The following TMEM132D variants were observed in gnomAD, a reference collection of about 807,000 sequenced individuals.
TMEM132D encodes transmembrane protein 132D, also known as mature OL transmembrane protein.
In TMEM132D, 21 loss-of-function variants were observed where a neutral mutation model predicts 62.3. The ratio of observed to expected loss-of-function variants is 0.34; its 90% CI spans 0.24 to 0.49. The LOEUF is 0.49. Among genes scored for constraint, TMEM132D ranks in the 20% least tolerant of loss-of-function variants. TMEM132D has a pLI of 0.99. For synonymous variants in TMEM132D, 621 were observed against 575.6 expected (o/e 1.08, Z -1.13); for missense variants, 1,346 against 1,402.8 (o/e 0.96, Z 0.65).
At chr12:129,159,654 G>C (rs1049084817) in intron 5 of TMEM132D, among the ~76,000 whole-genome samples, 2 of 151,484 alleles carry the variant, frequency 1.3e-5, no homozygotes, top group African/African-American at 4.9e-5. Flanking sequence ...CCAGCTACTT[G>C]GGTGGCTAAG....
At position 129,675,917 on chromosome 12, in the gene TMEM132D, C is replaced by T. The variant is rs539312956; in HGVS notation, c.968+23893G>A. Among the ~76,000 whole-genome samples the T allele has an allele frequency of 4.6e-5, 7 of 152,342 alleles. No individual in the cohort carries two copies. The South Asian group carries it at 1.4e-3, about 32-fold the overall frequency. ...CATGACCATGAGTGAAAAACAGTGACATTTTCACATCAGCAAACTCGGGCT... is the reference window on the plus strand; with the variant it reads ...CATGACCATGAGTGAAAAACAGTGATATTTTCACATCAGCAAACTCGGGCT... On this transcript the variant is annotated intron_variant, in intron 2 of 8. Transcript: ENST00000422113.
At chr12:129,255,584 C>T (rs1880378642) in intron 4 of TMEM132D, among the ~76,000 whole-genome samples, 1 of 152,166 alleles carries the variant, frequency 6.6e-6, no homozygotes, top group South Asian at 2.1e-4. Context: ...CTACATGGGA[C>T]ATTTTGCATG....
chr12:129,633,009 T>A (rs1040455920), intron 2 of TMEM132D, among the ~76,000 whole-genome samples: 1 of 152,222 alleles, frequency 6.6e-6, no homozygotes, highest in Non-Finnish European at 1.5e-5. Flanking sequence ...AAATCCCACA[T>A]AGGGGTAAGT....
chr12:129,593,203 T>C (rs1878242833), intron 2 of TMEM132D, among the ~76,000 whole-genome samples: 1 of 152,242 alleles, frequency 6.6e-6, no homozygotes, highest in Admixed American at 6.5e-5. Context: ...CCTTCTGACT[T>C]TCAAGCTTAG....
At chr12:129,412,300 C>T (rs1323513488) in intron 3 of TMEM132D, among the ~76,000 whole-genome samples, 2 of 152,170 alleles carry the variant, frequency 1.3e-5, no homozygotes, top group South Asian at 2.1e-4. Context: ...TAGAAGGCAT[C>T]GCTAGCTGTC....
At chr12:129,433,520 A>T (rs1445754200) in intron 3 of TMEM132D, among the ~76,000 whole-genome samples, 1 of 152,198 alleles carries the variant, frequency 6.6e-6, no homozygotes, top group African/African-American at 2.4e-5. Flanking sequence ...AGAGCTTGAC[A>T]CATGGGCAAA....
chr12:129,226,281 C>T (rs891077940), intron 4 of TMEM132D, among the ~76,000 whole-genome samples: 3 of 152,228 alleles, frequency 2.0e-5, no homozygotes, highest in Non-Finnish European at 4.4e-5. Context: ...TTTGGTTTCT[C>T]TCTGGAGGAA....
intron 4 of TMEM132D, among the ~76,000 whole-genome samples, chr12:129,336,687 G>A (rs1410016899): frequency 6.6e-6 from 1 of 152,182 alleles, no homozygotes; most frequent in Non-Finnish European, 1.5e-5. Context: ...CTGAGGACTC[G>A]TATAGGCCAT....
At chr12:129,441,461 C>T (rs4759938) in intron 3 of TMEM132D, among the ~76,000 whole-genome samples, 145,283 of 152,250 alleles carry the variant, frequency 0.95, 69,557 homozygotes, top group Middle Eastern at 1. Context: ...AAACTAGAGA[C>T]GCCTGCGAGG....
At chr12:129,529,374 A>T (rs1474156499) in intron 3 of TMEM132D, among the ~76,000 whole-genome samples, 2 of 152,252 alleles carry the variant, frequency 1.3e-5, no homozygotes, top group Non-Finnish European at 2.9e-5. Context: ...GAATGTGCTG[A>T]GATTCTGGAA....
chr12:129,637,552 C>T (rs1156717501), intron 2 of TMEM132D, among the ~76,000 whole-genome samples: 3 of 152,178 alleles, frequency 2.0e-5, no homozygotes, highest in African/African-American at 4.8e-5. Flanking sequence ...CACCCCCTTC[C>T]TCCTGGTCTG....
intron 5 of TMEM132D, among the ~76,000 whole-genome samples, chr12:129,200,177 G>A (rs1029747694): frequency 6.6e-6 from 1 of 152,004 alleles, no homozygotes; most frequent in African/African-American, 2.4e-5. Flanking sequence ...TCCCGCAGGT[G>A]GTCACTCCCA....
intron 4 of TMEM132D, among the ~76,000 whole-genome samples, chr12:129,287,427 T>A (rs191082817): frequency 1.3e-5 from 2 of 152,344 alleles, no homozygotes; most frequent in East Asian, 1.9e-4. Flanking sequence ...CAATAGATGC[T>A]AAAATTTGTG....
At chr12:129,246,760 T>C (rs2135587857) in intron 4 of TMEM132D, among the ~76,000 whole-genome samples, 2 of 80,490 alleles carry the variant, frequency 2.5e-5, no homozygotes, top group Middle Eastern at 0.012. Context: ...AGCAAGACTC[T>C]ATCTCAAAAA....
intron 5 of TMEM132D, among the ~76,000 whole-genome samples, chr12:129,147,946 TG>T (rs1441471574): frequency 6.6e-6 from 1 of 152,194 alleles, no homozygotes; most frequent in Admixed American, 6.5e-5. Flanking sequence ...GGACATTCCA[TG>T]TCCAGTACTT....
intron 1 of TMEM132D, among the ~76,000 whole-genome samples, chr12:129,790,883 T>C (rs751676672): frequency 2.6e-5 from 4 of 152,216 alleles, no homozygotes; most frequent in Non-Finnish European, 5.9e-5. Context: ...GTTTAATAGA[T>C]GTTCTTTAAA....
intron 1 of TMEM132D, chr12:129,853,582 T>C (rs1873614287): frequency 1.3e-5 from 2 of 152,210 alleles, no homozygotes; most frequent in African/African-American, 4.8e-5. Context: ...GAGTCTTAAC[T>C]GGAACCGATG....
In TMEM132D at chr12:129,825,204, G is replaced by T. The variant is rs540538684; in HGVS notation, c.79+78057C>A. 2.1e-4 allele frequency among the ~76,000 whole-genome samples: 32 copies of T among 151,222 alleles called. No individual in the cohort carries two copies. The Middle Eastern group carries it at 0.014, about 65-fold the overall frequency. On this transcript the variant is annotated intron_variant, in intron 1 of 8. Coordinates refer to ENST00000422113, the MANE Select transcript of TMEM132D (RefSeq NM_133448.3). ...TTGTATTTTTTTTTTTTTTAGTAGAGATGGGGTTTTGCCATGTTGGCCAGG... is the reference window on the plus strand; with the variant it reads ...TTGTATTTTTTTTTTTTTTAGTAGATATGGGGTTTTGCCATGTTGGCCAGG...
intron 1 of TMEM132D, among the ~76,000 whole-genome samples, chr12:129,742,851 C>T (rs1410809939): frequency 2.0e-5 from 3 of 152,228 alleles, no homozygotes; most frequent in Non-Finnish European, 4.4e-5. Flanking sequence ...GTCTTTGAAG[C>T]ACTGGAATGC....
Sources: gnomAD v4.1 joint callset for allele counts (sites outside exome capture counted in the v4.1 genomes callset) on GRCh38, gnomAD v4.1.1 for gene constraint, MANE v1.5 for transcripts, NCBI Gene and HGNC (gene_info 2026-07-23, HGNC 2026-07-21) for gene names.